PIK3R1: variants seen among roughly 807,000 people sequenced by gnomAD.
The protein encoded by PIK3R1 is phosphatidylinositol 3-kinase regulatory subunit alpha.
A neutral mutation model predicts 98.0 loss-of-function variants in PIK3R1; 29 were observed. The ratio of observed to expected loss-of-function variants is 0.30; its 90% CI spans 0.22 to 0.40. The LOEUF (loss-of-function observed/expected upper bound fraction) is 0.40, where lower values mean the gene tolerates loss of function less well. Among genes scored for constraint, PIK3R1 ranks in the 10% least tolerant of loss-of-function variants. The probability of loss-of-function intolerance (pLI) is 1.00; values close to 1 mark genes in which losing one functional copy is unlikely to be tolerated. For synonymous variants in PIK3R1, 282 were observed against 311.8 expected (o/e 0.90, Z 1.01); for missense variants, 596 against 872.7 (o/e 0.68, Z 3.99).
rs537192367 is a variant in PIK3R1, at chr5:68,228,039, C to T, written c.334+1030C>T. On this transcript the variant is annotated intron_variant, in intron 2 of 15. Coordinates refer to ENST00000521381, the MANE Select transcript of PIK3R1 (RefSeq NM_181523.3). ...CCGGTTTCCTCACTAGTAAATCACA[C>T]GCATTTTTCTTTTTTCTCTTGTGTA... Among the ~76,000 whole-genome samples the T allele has an allele frequency of 2.8e-3, 424 of 152,266 alleles. 2 individuals carry two copies. The highest frequency in any genetic ancestry group is 4.2e-3 in the Non-Finnish European group (286 of 68,042).
intron 2 of PIK3R1, among the ~76,000 whole-genome samples, chr5:68,245,460 C>T (rs1414008914): frequency 1.3e-5 from 2 of 152,276 alleles, no homozygotes; most frequent in Non-Finnish European, 2.9e-5. Context: ...ATTCATTGTT[C>T]TTGCTTACAT....
chr5:68,277,760 A>C (rs1275949429), intron 4 of PIK3R1, among the ~76,000 whole-genome samples: 1 of 152,196 alleles, frequency 6.6e-6, no homozygotes, highest in African/African-American at 2.4e-5. Context: ...ACCGAGTTAT[A>C]TGAGGTCTCG....
chr5:68,273,907 A>T, intron 3 of PIK3R1, 32 bp from the exon 4 acceptor site: 3 of 1,565,824 alleles, frequency 1.9e-6, no homozygotes, highest in Non-Finnish European at 2.6e-6. Flanking sequence ...TGTGTTTTGC[A>T]TACATGGTCT....
intron 2 of PIK3R1, among the ~76,000 whole-genome samples, chr5:68,257,802 T>C (rs1356669746): frequency 1.3e-5 from 2 of 152,222 alleles, no homozygotes; most frequent in Non-Finnish European, 2.9e-5. Flanking sequence ...GGAAACTCCC[T>C]TGCCTATAAT....
Position 68,301,402 on chromosome 5 carries a change from A to ATATATATATATGTGTGTGTG in PIK3R1, c.*3812_*3813insGTGTGTGTGTATATATATAT, listed in dbSNP as rs1748064067. 1.4e-5 allele frequency: 1 copy of ATATATATATATGTGTGTGTG among 70,630 alleles called. No individual in the cohort carries two copies. Among genetic ancestry groups the ATATATATATATGTGTGTGTG allele is most frequent in the Non-Finnish European group, 2.6e-5 (1 of 38,198 alleles). The allele number at this position is 70,630 out of a possible 1,614,324, so 4.4% of individuals were successfully genotyped here. A position where few individuals can be genotyped will look rare whatever the true frequency, so the allele number is the denominator to read the frequency against. ...TGTGTGTGTGTGTGTGTATATATAT[A>ATATATATATATGTGTGTGTG]TATATATATATATATATATATATAT... On this transcript the variant is annotated 3_prime_UTR_variant, in exon 16 of 16. Coordinates refer to ENST00000521381, the MANE Select transcript of PIK3R1 (RefSeq NM_181523.3).
chr5:68,292,671 C>A lies in PIK3R1; in HGVS notation c.1019+310C>A, dbSNP rs1204411945. The A allele has an allele frequency of 7.7e-6, 10 of 1,298,400 alleles. No homozygotes were observed. In the African/African-American group the frequency reaches 1.4e-4, roughly 18 times the overall value. 80.4% of individuals were successfully genotyped at this position (1,298,400 alleles called of 1,614,324 possible). A position where few individuals can be genotyped will look rare whatever the true frequency, so the allele number is the denominator to read the frequency against. ...TTAAGCACAACTCTAAGAATTCTTG[C>A]CTTAAACACAATAAGAAAACAATGC... is the stretch of plus-strand genomic sequence containing the variant. On this transcript the variant is annotated intron_variant, in intron 8 of 15. Coordinates refer to ENST00000521381, the MANE Select transcript of PIK3R1 (RefSeq NM_181523.3).
intron 1 of PIK3R1, among the ~76,000 whole-genome samples, chr5:68,221,818 T>G (rs831227): frequency 0.53 from 80,819 of 152,146 alleles, 22,762 homozygotes; most frequent in East Asian, 0.73. Context: ...AAAGAGAATT[T>G]CTCTGTATGT....
chr5:68,277,992 G>C (rs186475612), intron 4 of PIK3R1, among the ~76,000 whole-genome samples: 1 of 152,088 alleles, frequency 6.6e-6, no homozygotes, highest in South Asian at 2.1e-4. Flanking sequence ...GTTATCCTTC[G>C]CATTGCTAGT....
At chr5:68,235,337 A>G (rs1343064672) in intron 2 of PIK3R1, among the ~76,000 whole-genome samples, 2 of 152,050 alleles carry the variant, frequency 1.3e-5, no homozygotes, top group Non-Finnish European at 2.9e-5. Flanking sequence ...TGGGAGGCAG[A>G]GGTTGCAGTG....
chr5:68,242,766 T>C (rs1259104097), intron 2 of PIK3R1, among the ~76,000 whole-genome samples: 1 of 152,212 alleles, frequency 6.6e-6, no homozygotes, highest in Non-Finnish European at 1.5e-5. Flanking sequence ...TTCTTGAGCT[T>C]GCCTTCTTTT....
At chr5:68,223,737 T>C (rs1168221366) in intron 1 of PIK3R1, among the ~76,000 whole-genome samples, 1 of 152,188 alleles carries the variant, frequency 6.6e-6, no homozygotes, top group Admixed American at 6.5e-5. Flanking sequence ...TCATGTTCCT[T>C]AGGTTTCTAT....
intron 2 of PIK3R1, among the ~76,000 whole-genome samples, chr5:68,259,799 A>C (rs536927252): frequency 1.3e-5 from 2 of 152,194 alleles, no homozygotes; most frequent in Non-Finnish European, 2.9e-5. Context: ...TAAGGAAACC[A>C]TATGCCCTAT....
chr5:68,279,540 T>C (rs531015335), intron 4 of PIK3R1, 62 bp from the exon 5 acceptor site: 1 of 1,351,200 alleles, frequency 7.4e-7, no homozygotes, highest in South Asian at 1.3e-5. Context: ...GTTCAGAAAA[T>C]TAGCCCAACT....
intron 7 of PIK3R1, chr5:68,290,783 G>C (rs1480048049): frequency 6.2e-7 from 1 of 1,613,546 alleles, no homozygotes. Flanking sequence ...TGCCAAGACA[G>C]ATATAAATTG....
In PIK3R1 at chr5:68,299,436, G is replaced by T. The variant is rs755964553; in HGVS notation, c.*1835G>T. The T allele has an allele frequency of 7.7e-5, 18 of 233,242 alleles. No individual in the cohort carries two copies. Among genetic ancestry groups the T allele is most frequent in the South Asian group, 7.2e-4 (4 of 5,530 alleles). The allele number at this position is 233,242 out of a possible 1,614,324, so 14.4% of individuals were successfully genotyped here. On this transcript the variant is annotated 3_prime_UTR_variant, in exon 16 of 16. Coordinates refer to ENST00000521381, the MANE Select transcript of PIK3R1 (RefSeq NM_181523.3). ...AATCATTGTATGTGCTTCACTACGG[G>T]GGGGAGAAGGAAACGTTAGCATCAT... is the stretch of plus-strand genomic sequence containing the variant.
chr5:68,279,820 G>A (rs1336070021), intron 5 of PIK3R1, 87 bp downstream of exon 5: 2 of 1,326,278 alleles, frequency 1.5e-6, no homozygotes. Flanking sequence ...TAGAAATAGT[G>A]GTTAGAAAAT....
chr5:68,264,823 T>G (rs1389967028), intron 2 of PIK3R1, among the ~76,000 whole-genome samples: 1 of 152,170 alleles, frequency 6.6e-6, no homozygotes, highest in Non-Finnish European at 1.5e-5. Flanking sequence ...CACTCATCAG[T>G]ACACAGTGCA....
At chr5:68,266,563 T>TCC (rs1387674465) in intron 2 of PIK3R1, among the ~76,000 whole-genome samples, 3 of 152,228 alleles carry the variant, frequency 2.0e-5, no homozygotes, top group Non-Finnish European at 2.9e-5. Context: ...TTAAGGTTAT[T>TCC]CCCTTGTGGG....
chr5:68,288,308 C>A, intron 7 of PIK3R1: 1 of 650,554 alleles, frequency 1.5e-6, no homozygotes, highest in Non-Finnish European at 2.0e-6. Flanking sequence ...TCCCCTCCCC[C>A]TCCCGAAATC....
Sources: allele counts gnomAD v4.1 joint callset (sites outside exome capture counted in the v4.1 genomes callset), GRCh38; gene constraint gnomAD v4.1.1; transcripts MANE v1.5; gene names NCBI Gene and HGNC (gene_info 2026-07-23, HGNC 2026-07-21).